The following MYO15B variants were observed in gnomAD, a reference collection of about 807,000 sequenced individuals.
MYO15B encodes myosin XVB.
A neutral mutation model predicts 119.3 loss-of-function variants in MYO15B; 207 were observed. The observed-to-expected ratio is 1.73, with a 90% CI of 1.55 to 1.95. MYO15B has a LOEUF of 1.95. Among genes scored for constraint, MYO15B ranks in the 30% most tolerant of loss-of-function variants. The probability of loss-of-function intolerance (pLI) is 0.00; values close to 1 mark genes in which losing one functional copy is unlikely to be tolerated. For synonymous variants in MYO15B, 966 were observed against 498.9 expected (o/e 1.94, Z -12.48); for missense variants, 2,264 against 1,203.1 (o/e 1.88, Z -13.04).
intron 21 of MYO15B, among the ~76,000 whole-genome samples, chr17:75,608,939 G>A (rs1195862111): frequency 3.3e-5 from 5 of 152,146 alleles, no homozygotes; most frequent in Admixed American, 1.3e-4. Flanking sequence ...TCACTATGTT[G>A]GCCAGGCTGG....
exon 52 of MYO15B, chr17:75,621,570 G>T: frequency 1.4e-6 from 1 of 700,872 alleles, no homozygotes; most frequent in South Asian, 1.5e-5. Context: ...CAGCTTCCTG[G>T]GTGAGTGGCC....
At chr17:75,619,546 G>T (rs2058577767) in intron 45 of MYO15B, 70 bp downstream of exon 45, 1 of 687,384 alleles carries the variant, frequency 1.5e-6, no homozygotes, top group Admixed American at 2.0e-5. Context: ...CATGGGCACA[G>T]ACCACAAGCA....
At chr17:75,615,667 T>A (rs996616314) in intron 35 of MYO15B, 26 bp from the exon 36 acceptor site, 1 of 670,214 alleles carries the variant, frequency 1.5e-6, no homozygotes, top group Non-Finnish European at 2.7e-6. Context: ...GATGAGGGTC[T>A]GAACTGGCTG....
At chr17:75,615,075 TCCGGGC>T (rs1213318078) in intron 33 of MYO15B, 33 bp downstream of exon 33, 2 of 697,376 alleles carry the variant, frequency 2.9e-6, no homozygotes, top group Non-Finnish European at 5.2e-6. Context: ...ACCCAGGGCC[TCCGGGC>T]CCGGCAGCAT....
rs1598701727 is a variant in MYO15B, at chr17:75,592,166, A to C, written c.2652-72A>C. 4 of 701,184 alleles carry C rather than the reference A, an allele frequency of 5.7e-6. No homozygotes were observed. In the East Asian group the frequency reaches 1.1e-4, roughly 19 times the overall value. 43.4% of individuals were successfully genotyped at this position (701,184 alleles called of 1,614,324 possible). On this transcript the variant is annotated intron_variant, in intron 6 of 63. Transcript: ENST00000645453. ...GCTTCCCTGGGGTCCAGACCCTGGT[A>C]GGGCTTCTTCTGCACGGGGCCCCTG...
At position 75,589,964 on chromosome 17, in the gene MYO15B, G is replaced by T; in HGVS notation, c.1907G>T (p.Arg636Leu). The change falls in exon 1 of 64, where the codon CGC becomes CTC. Residue 636 changes from arginine (R) to leucine (L), a missense_variant. Arg to Leu is a moderately radical substitution (Grantham distance 102, BLOSUM62 -2). Coordinates refer to ENST00000645453, the Ensembl canonical transcript of MYO15B. This position sits in a 1 kb window ranked among gnomAD's most constrained non-coding sequence, Gnocchi z 4.2. ...ACCCTCAATGACGAGCCCCCGGTGCGCTGGGCGCAGGGCTCAGGCCCCCAC... is the reference window on the plus strand; with the variant it reads ...ACCCTCAATGACGAGCCCCCGGTGCTCTGGGCGCAGGGCTCAGGCCCCCAC... 2.5e-6 allele frequency: 1 copy of T among 398,632 alleles called. No homozygotes were observed. The highest frequency in any genetic ancestry group is 4.4e-6 in the Non-Finnish European group (1 of 225,974). The allele number at this position is 398,632 out of a possible 1,614,324, so 24.7% of individuals were successfully genotyped here. A position where few individuals can be genotyped will look rare whatever the true frequency, so the allele number is the denominator to read the frequency against.
Position 75,592,598 on chromosome 17 carries a change from C to T in MYO15B, c.2829+57C>T, listed in dbSNP as rs150204129. On this transcript the variant is annotated intron_variant, in intron 8 of 63. Transcript: ENST00000645453. ...GCCTGCCCAGAGGAGGATCTCGGCC[C>T]GGAGGTCTGAGGAGTAGCCGGAGTA... 762 of 628,842 alleles carry T rather than the reference C, an allele frequency of 1.2e-3. 5 individuals are homozygous for T. Among genetic ancestry groups the T allele is most frequent in the African/African-American group, 0.011 (626 of 55,470 alleles). The allele number at this position is 628,842 out of a possible 1,614,324, so 39.0% of individuals were successfully genotyped here.
At position 75,589,279 on chromosome 17, in the gene MYO15B, C is replaced by G. The variant is rs1187064052; in HGVS notation, c.1222C>G (p.Arg408Gly). Residue 408 changes from arginine (R) to glycine (G), a missense_variant, in exon 1 of 64, where the codon CGC becomes GGC. By Grantham distance (125) the Arg-to-Gly change is moderately radical (BLOSUM62 -2). Transcript: ENST00000645453. This position sits in a 1 kb window ranked among gnomAD's most constrained non-coding sequence, Gnocchi z 4.2. Reference sequence around the variant, plus strand: ...GCCACGGGCGAGCGAGGGGTGGGGCCGCCGGAAACCGGACGAGGGGCGGGG... The same window carrying G: ...GCCACGGGCGAGCGAGGGGTGGGGCGGCCGGAAACCGGACGAGGGGCGGGG... 5.1e-6 allele frequency: 2 copies of G among 395,872 alleles called. No homozygotes were observed. The highest frequency in any genetic ancestry group is 2.1e-5 in the African/African-American group (1 of 47,656). The allele number at this position is 395,872 out of a possible 1,614,324, so 24.5% of individuals were successfully genotyped here. A position where few individuals can be genotyped will look rare whatever the true frequency, so the allele number is the denominator to read the frequency against.
exon 34 of MYO15B, chr17:75,615,306 T>C (rs1037393412): frequency 1.4e-6 from 1 of 702,562 alleles, no homozygotes; most frequent in Non-Finnish European, 2.6e-6. Context: ...ATGCCCATGA[T>C]GCCAGCAATG....
chr17:75,609,628 C>T (rs1235188033), intron 21 of MYO15B, among the ~76,000 whole-genome samples: 2 of 151,206 alleles, frequency 1.3e-5, no homozygotes, highest in African/African-American at 4.9e-5. Flanking sequence ...CTCCTTCCTC[C>T]CTTCCTCCCT....
At chr17:75,605,265 G>GCCA (rs2057558380) in intron 19 of MYO15B, among the ~76,000 whole-genome samples, 2 of 151,908 alleles carry the variant, frequency 1.3e-5, no homozygotes, top group Non-Finnish European at 1.5e-5. Flanking sequence ...GTGAAACCCT[G>GCCA]TCTCTACTAA....
rs763050359 is a variant in MYO15B at position 75,619,128 on chromosome 17, T to A, written c.6988-15T>A. The A allele has an allele frequency of 4.3e-5, 30 of 702,698 alleles. No homozygotes were observed. Among genetic ancestry groups the A allele is most frequent in the Middle Eastern group, 4.6e-4 (2 of 4,392 alleles). The allele number at this position is 702,698 out of a possible 1,614,324, so 43.5% of individuals were successfully genotyped here. A position where few individuals can be genotyped will look rare whatever the true frequency, so the allele number is the denominator to read the frequency against. On this transcript the variant is annotated splice_polypyrimidine_tract_variant and intron_variant, in intron 43 of 63. Coordinates refer to ENST00000645453, the Ensembl canonical transcript of MYO15B. ...GTCTCAGGACCTGGTGGTGACCACC[T>A]CGCTCTGCCCCCAGATCCTACGGGA...
intron 12 of MYO15B, 96 bp downstream of exon 12, chr17:75,595,068 C>T (rs1040739622): frequency 4.6e-6 from 3 of 656,388 alleles, no homozygotes; most frequent in East Asian, 2.7e-5. Flanking sequence ...TGGGGGCACT[C>T]GCGAGGTGCT....
chr17:75,602,769 G>T, intron 16 of MYO15B, 61 bp from the exon 17 acceptor site: 1 of 604,776 alleles, frequency 1.7e-6, no homozygotes, highest in Non-Finnish European at 2.9e-6. Context: ...TGGCTCTCCC[G>T]GGCTGCAGGG....
At chr17:75,623,623 G>A (rs1423384243) in intron 53 of MYO15B, among the ~76,000 whole-genome samples, 158 bp from the exon 54 acceptor site, 1 of 152,330 alleles carries the variant, frequency 6.6e-6, no homozygotes, top group Admixed American at 6.5e-5. Context: ...CGGGAGCAGC[G>A]AAGAAAGTAA....
At chr17:75,625,851 G>A (rs1387558955) in exon 62 of MYO15B, 2 of 702,914 alleles carry the variant, frequency 2.8e-6, no homozygotes, top group East Asian at 2.7e-5. Context: ...CAGAGGCCAT[G>A]AGCCAGCTGC....
chr17:75,589,246 G>A lies in MYO15B; in HGVS notation c.1189G>A (p.Gly397Ser), dbSNP rs1055252465. ...GCGGCCGCCAGAGGGCGAGGGGCAGGGTACCGGGCCACGGGCGAGCGAGGG... is the reference window on the plus strand; with the variant it reads ...GCGGCCGCCAGAGGGCGAGGGGCAGAGTACCGGGCCACGGGCGAGCGAGGG... The change falls in exon 1 of 64, where the codon GGT (glycine) becomes AGT (serine). Residue 397 changes from glycine to serine, a missense_variant. Coordinates refer to ENST00000645453, the Ensembl canonical transcript of MYO15B. This position sits in a 1 kb window ranked among gnomAD's most constrained non-coding sequence, Gnocchi z 4.2. 1.5e-5 allele frequency: 6 copies of A among 399,826 alleles called. No homozygotes were observed. Among genetic ancestry groups the A allele is most frequent in the Non-Finnish European group, 2.6e-5 (6 of 227,574 alleles). The allele number at this position is 399,826 out of a possible 1,614,324, so 24.8% of individuals were successfully genotyped here.
At chr17:75,610,331 C>T (rs141257065) in intron 22 of MYO15B, 72 bp downstream of exon 22, 6,498 of 629,472 alleles carry the variant, frequency 0.01, 75 homozygotes, top group Middle Eastern at 0.022. Flanking sequence ...GGCCAAATCC[C>T]AGCAGCGTTG....
rs988126343 is a variant in MYO15B, at chr17:75,607,301, C to T, written c.4292+1280C>T. On this transcript the variant is annotated intron_variant, in intron 21 of 63. Transcript: ENST00000645453. The stretch of plus-strand genomic sequence containing the variant: ...TGAAGTTGCCCATTCTAGATACTTC[C>T]TGTAAGTTGACTCATACAATATTTC... Among the ~76,000 whole-genome samples the T allele has an allele frequency of 9.9e-5, 15 of 152,194 alleles. No homozygotes were observed. In the East Asian group the frequency reaches 2.3e-3, roughly 23 times the overall value.
Sources: allele counts gnomAD v4.1 joint callset (sites outside exome capture counted in the v4.1 genomes callset), GRCh38; gene constraint gnomAD v4.1.1; non-coding constraint Gnocchi (gnomAD v3.1); transcripts MANE v1.5; gene names NCBI Gene and HGNC (gene_info 2026-07-23, HGNC 2026-07-21).